Variants in LRCH3 observed in about 807,000 individuals in gnomAD.
The protein encoded by LRCH3 is DISP complex protein LRCH3.
Under a neutral mutation model 104.5 loss-of-function variants are expected in LRCH3, and 68 were observed. That is an observed-to-expected ratio of 0.65 (90% CI 0.54 to 0.80). The LOEUF is 0.80. Among genes scored for constraint, LRCH3 ranks in the 30% least tolerant of loss-of-function variants. The pLI is 0.00. For synonymous variants in LRCH3, 344 were observed against 361.3 expected, an observed-to-expected ratio of 0.95 and a Z score of 0.54; for missense variants, 951 against 953.9, an observed-to-expected ratio of 1.00 and a Z score of 0.04.
chr3:197,791,455 T>G lies in LRCH3; in HGVS notation c.177T>G (p.Thr59=). 2 of 1,599,586 alleles carry G rather than the reference T, an allele frequency of 1.3e-6. No individual in the cohort carries two copies. The highest frequency in any genetic ancestry group is 1.7e-6 in the Non-Finnish European group (2 of 1,174,428). ...GAGCCCTGGAGGAGGCGGCGGTCAC[T>G]GGGGTGCTGAGCCTGAGCGGCCGGA... ...LDRALEEAAV[T]GVLSLSGRKL... The change falls in exon 1 of 21, where the codon ACT becomes ACG. Residue 59 remains threonine (T), a synonymous_variant. Coordinates refer to ENST00000425562, the MANE Select transcript of LRCH3 (RefSeq NM_001365715.1).
chr3:197,838,177 C>T (rs7616279), intron 9 of LRCH3, among the ~76,000 whole-genome samples: 85,588 of 152,116 alleles, frequency 0.56, 28,676 homozygotes, highest in East Asian at 0.98. Flanking sequence ...CTCAGCCACT[C>T]GGGAGGCTGA....
chr3:197,869,153 T>C (rs962560182), intron 17 of LRCH3, among the ~76,000 whole-genome samples: 2 of 152,230 alleles, frequency 1.3e-5, no homozygotes, highest in African/African-American at 4.8e-5. Flanking sequence ...TTGCAGGAAG[T>C]AGAAACCAAT....
chr3:197,869,989 G>A (rs940857792), intron 17 of LRCH3, among the ~76,000 whole-genome samples, 171 bp from the exon 18 acceptor site: 3 of 151,830 alleles, frequency 2.0e-5, no homozygotes, highest in African/African-American at 7.3e-5. Flanking sequence ...GTACCCGCAG[G>A]AGGTAGAAAG....
At chr3:197,808,169 A>G (rs931183118) in intron 1 of LRCH3, among the ~76,000 whole-genome samples, 7 of 152,202 alleles carry the variant, frequency 4.6e-5, no homozygotes, top group African/African-American at 1.2e-4. Context: ...GTAAGTCAAT[A>G]CAAGTGATGT....
chr3:197,802,256 C>A (rs1731982238), intron 1 of LRCH3, among the ~76,000 whole-genome samples: 1 of 152,220 alleles, frequency 6.6e-6, no homozygotes, highest in Admixed American at 6.5e-5. Flanking sequence ...CCTGTATTCA[C>A]AGTTCCAGGA....
chr3:197,835,145 A>G (rs1212466632), intron 8 of LRCH3, among the ~76,000 whole-genome samples: 1 of 150,792 alleles, frequency 6.6e-6, no homozygotes, highest in Non-Finnish European at 1.5e-5. Context: ...CCCTGTCTCA[A>G]AAAAACAAAA....
chr3:197,857,266 G>A (rs9821272), intron 14 of LRCH3, among the ~76,000 whole-genome samples: 19,227 of 145,780 alleles, frequency 0.13, 1,691 homozygotes, highest in African/African-American at 0.24. Context: ...TTCTCTTCCG[G>A]CTACCCCTCA....
At chr3:197,825,360 CT>C (rs35669763) in intron 4 of LRCH3, among the ~76,000 whole-genome samples, 2,079 of 119,274 alleles carry the variant, frequency 0.017, 38 homozygotes, top group African/African-American at 0.054. Flanking sequence ...TGTTTTATAT[CT>C]TTTTTTTTTT....
intron 17 of LRCH3, among the ~76,000 whole-genome samples, chr3:197,868,749 A>G (rs1022483751): frequency 1.3e-5 from 2 of 152,246 alleles, no homozygotes; most frequent in African/African-American, 4.8e-5. Flanking sequence ...GAATACATAC[A>G]ATACAGCATA....
chr3:197,880,419 T>A, intron 20 of LRCH3: 1 of 965,458 alleles, frequency 1.0e-6, no homozygotes, highest in South Asian at 1.4e-5. Context: ...TGAATATGAC[T>A]GAGATGATCA....
Position 197,791,332 on chromosome 3 carries a change from G to C in LRCH3, c.54G>C (p.Thr18=). 6.2e-7 allele frequency: 1 copy of C among 1,609,052 alleles called. No homozygotes were observed. The highest frequency in any genetic ancestry group is 1.1e-5 in the South Asian group (1 of 90,338). ...CAGCGGCTGCCGAGTACTCTGGCAC[G>C]GTAGCGTCGGGAGGTAACCTCCCTG... ...AVAAAAEYSG[T]VASGGNLPGV... The change falls in exon 1 of 21, where the codon ACG becomes ACC. Residue 18 remains threonine (T), a synonymous_variant. Coordinates refer to ENST00000425562, the MANE Select transcript of LRCH3 (RefSeq NM_001365715.1).
intron 8 of LRCH3, among the ~76,000 whole-genome samples, chr3:197,834,655 T>G (rs1402298645): frequency 6.6e-6 from 1 of 152,216 alleles, no homozygotes; most frequent in Admixed American, 6.5e-5. Context: ...AGATGCACCT[T>G]TCAGTCTTTA....
intron 19 of LRCH3, 136 bp downstream of exon 19, chr3:197,871,598 A>C: frequency 2.5e-5 from 29 of 1,183,346 alleles, no homozygotes; most frequent in Non-Finnish European, 3.2e-5. Context: ...TCCTGGTCTC[A>C]CTTCTACTCG....
In LRCH3 at chr3:197,886,194, A is replaced by C. The variant is rs1352090872; in HGVS notation, c.*2528A>C. ...TCTCCCAAAAATTAAAAAAAAAAAA[A>C]AAAAACCAGGTGTGGTGGCACCTGC... On this transcript the variant is annotated 3_prime_UTR_variant, in exon 21 of 21. Coordinates refer to ENST00000425562, the MANE Select transcript of LRCH3 (RefSeq NM_001365715.1). 2.0e-5 allele frequency: 3 copies of C among 151,778 alleles called. No individual in the cohort carries two copies. Among genetic ancestry groups the C allele is most frequent in the Admixed American group, 1.3e-4 (2 of 15,228 alleles). 9.4% of individuals were successfully genotyped at this position (151,778 alleles called of 1,614,324 possible). A position where few individuals can be genotyped will look rare whatever the true frequency, so the allele number is the denominator to read the frequency against.
At chr3:197,851,010 A>G in intron 12 of LRCH3, 2 of 770,996 alleles carry the variant, frequency 2.6e-6, no homozygotes, top group Non-Finnish European at 4.8e-6. Flanking sequence ...TCTTTTTATG[A>G]ACAAGGAAAC....
At position 197,828,487 on chromosome 3, in the gene LRCH3, A is replaced by T. The variant is rs1679660; in HGVS notation, c.778-1077A>T. Among the ~76,000 whole-genome samples the T allele has an allele frequency of 2.0e-5, 3 of 151,430 alleles. No individual in the cohort carries two copies. The East Asian group carries it at 5.9e-4, about 30-fold the overall frequency. On this transcript the variant is annotated intron_variant, in intron 5 of 20. Coordinates refer to ENST00000425562, the MANE Select transcript of LRCH3 (RefSeq NM_001365715.1). ...CAGCTTCCCAAGTAGCTGGGAGTAC[A>T]GGTGCCTGCCACCATGCCTGGCTAA...
chr3:197,875,828 AT>A, intron 20 of LRCH3, 53 bp downstream of exon 20: 1 of 1,174,976 alleles, frequency 8.5e-7, no homozygotes, highest in Non-Finnish European at 1.2e-6. Context: ...TTGTCCTAAA[AT>A]TTTAGAAATG....
At chr3:197,859,739 T>A (rs1740667328) in intron 15 of LRCH3, among the ~76,000 whole-genome samples, 1 of 152,176 alleles carries the variant, frequency 6.6e-6, no homozygotes, top group Admixed American at 6.6e-5. Context: ...AGTGGAGATT[T>A]TCTAGTTATT....
At chr3:197,826,593 T>C (rs558949317) in intron 4 of LRCH3, among the ~76,000 whole-genome samples, 2 of 152,318 alleles carry the variant, frequency 1.3e-5, no homozygotes, top group African/African-American at 2.4e-5. Flanking sequence ...CCTTTTGTTA[T>C]CCTCACCTTC....
Sources: allele counts gnomAD v4.1 joint callset (sites outside exome capture counted in the v4.1 genomes callset), GRCh38; gene constraint gnomAD v4.1.1; transcripts MANE v1.5; gene names NCBI Gene and HGNC (gene_info 2026-07-23, HGNC 2026-07-21).